The following NLRC4 variants were observed in gnomAD, a reference collection of about 807,000 sequenced individuals.
NLRC4 encodes NLR family CARD domain containing 4, also known as NLR family CARD domain-containing protein 4.
In NLRC4, 63 loss-of-function variants were observed where a neutral mutation model predicts 79.9. The observed-to-expected ratio is 0.79, with a 90% confidence interval of 0.64 to 0.97. The LOEUF (loss-of-function observed/expected upper bound fraction) is 0.97, where lower values mean the gene tolerates loss of function less well. Among genes scored for constraint, NLRC4 ranks in the 50% least tolerant of loss-of-function variants. The pLI, the probability that NLRC4 is intolerant of heterozygous loss-of-function variation, is 0.00. For missense variants in NLRC4, 1,074 were observed against 1,215.2 expected (o/e 0.88, Z 1.73); for synonymous variants, 461 against 456.5 (o/e 1.01, Z -0.12).
chr2:32,224,797 G>T, intron 8 of NLRC4, 32 bp from the exon 9 acceptor site: 10 of 947,998 alleles, frequency 1.1e-5, no homozygotes, highest in African/African-American at 2.6e-5. Flanking sequence ...TTAGTTGGAA[G>T]AAAAATTTTT....
Position 32,243,283 on chromosome 2 carries a change from G to A in NLRC4, c.2258-2158C>T, listed in dbSNP as rs571850337. 4.0e-5 allele frequency among the ~76,000 whole-genome samples: 6 copies of A among 150,946 alleles called. No individual in the cohort carries two copies. The South Asian group carries it at 6.3e-4, about 16-fold the overall frequency. On this transcript the variant is annotated intron_variant, in intron 4 of 8. Transcript: ENST00000402280. ...AAATCAGCTGGGTGTAGTGGCAGGCGCCTGTAATCCCAGCTAGTCCAGAGG... is the reference window on the plus strand; with the variant it reads ...AAATCAGCTGGGTGTAGTGGCAGGCACCTGTAATCCCAGCTAGTCCAGAGG...
chr2:32,244,873 G>A (rs1373877364), intron 4 of NLRC4, among the ~76,000 whole-genome samples: 1 of 150,884 alleles, frequency 6.6e-6, no homozygotes, highest in Admixed American at 6.6e-5. Flanking sequence ...AAGGAGAGGG[G>A]AAGGGAGAGG....
Position 32,251,177 on chromosome 2 carries a change from C to T in NLRC4, c.687G>A (p.Lys229=), listed in dbSNP as rs367761105. Reference sequence around the variant, plus strand: ...TCAGCAGCATGGCCATGAATGTCTGCTTCCTGATTGTGCCAGGTATATCCA... The same window carrying T: ...TCAGCAGCATGGCCATGAATGTCTGTTTCCTGATTGTGCCAGGTATATCCA... The part of the protein sequence containing the change: ...QLLDIPGTIR[K]QTFMAMLLKL... Residue 229 remains lysine, a synonymous_variant, in exon 4 of 9, where the codon AAG becomes AAA. Coordinates refer to ENST00000402280, the MANE Select transcript of NLRC4 (RefSeq NM_001199138.2). 26 of 1,614,122 alleles carry T rather than the reference C, an allele frequency of 1.6e-5. No homozygotes were observed. In the East Asian group the frequency reaches 2.0e-4, roughly 12 times the overall value.
chr2:32,233,339 ATATATATATATT>A (rs1558447198), intron 8 of NLRC4, among the ~76,000 whole-genome samples: 4 of 43,924 alleles, frequency 9.1e-5, no homozygotes, highest in African/African-American at 3.6e-4. Context: ...ATATATATAT[ATATATATATATT>A]TTTTTTTTTT....
chr2:32,233,356 T>A (rs1199418942), intron 8 of NLRC4, among the ~76,000 whole-genome samples: 1,677 of 127,074 alleles, frequency 0.013, 10 homozygotes, highest in African/African-American at 0.02. Flanking sequence ...TATATTTTTT[T>A]TTTTTTTTTT....
At chr2:32,231,572 T>TGCCGGGGGGGGGGGGG (rs757448591) in intron 8 of NLRC4, among the ~76,000 whole-genome samples, 1 of 59,456 alleles carries the variant, frequency 1.7e-5, no homozygotes, top group African/African-American at 8.1e-5. Flanking sequence ...TATTTTTTTT[T>TGCCGGGGGGGGGGGGG]GTGGGGGGGG....
chr2:32,235,498 G>T lies in NLRC4; in HGVS notation c.2685C>A (p.Ser895Arg). 1 of 1,614,120 alleles carries T rather than the reference G, an allele frequency of 6.2e-7. No individual in the cohort carries two copies. Among genetic ancestry groups the T allele is most frequent in the Non-Finnish European group, 8.5e-7 (1 of 1,179,966 alleles). ...MLPWGCDVQG[S>R]LSSLLKHLEE... ...CCAAATGTTTCAACAGGCTGCTCAG[G>T]CTGCCTTGCACGTCACAGCCCCAGG... The change falls in exon 8 of 9, where the codon AGC (serine) becomes AGA (arginine). Residue 895 changes from serine to arginine, a missense_variant. Ser to Arg is a moderately radical substitution (Grantham distance 110). Coordinates refer to ENST00000402280, the MANE Select transcript of NLRC4 (RefSeq NM_001199138.2).
At chr2:32,240,901 G>T in intron 5 of NLRC4, 132 bp downstream of exon 5, 1 of 606,296 alleles carries the variant, frequency 1.6e-6, no homozygotes, top group Non-Finnish European at 2.9e-6. Context: ...AAAATGTCTG[G>T]GGAAACCAAT....
intron 1 of NLRC4, among the ~76,000 whole-genome samples, chr2:32,263,579 A>G (rs1464519933): frequency 6.6e-6 from 1 of 152,140 alleles, no homozygotes; most frequent in African/African-American, 2.4e-5. Context: ...GCCTTTAAAG[A>G]GGTCATTAAG....
In NLRC4 at chr2:32,250,384, T is replaced by G. The variant is rs1254728273; in HGVS notation, c.1480A>C (p.Thr494Pro). 6.2e-7 allele frequency: 1 copy of G among 1,614,120 alleles called. No individual in the cohort carries two copies. The highest frequency in any genetic ancestry group is 1.3e-5 in the African/African-American group (1 of 75,024). The stretch of plus-strand genomic sequence containing the variant: ...GTGGCTTCCACAGATGACCCACAGG[T>G]GTACCGGAGCAGGCTGCTATAAGTG... Reference protein sequence around the residue: ...TSTYSSLLRYTCGSSVEATRA... With the variant: ...TSTYSSLLRYPCGSSVEATRA... Residue 494 changes from threonine (T) to proline (P), a missense_variant, in exon 4 of 9, where the codon ACC becomes CCC. By Grantham distance (38) the Thr-to-Pro change is conservative. Transcript: ENST00000402280. The surrounding 1 kb of genome is among the most constrained non-coding windows in gnomAD (Gnocchi z 4.9).
intron 4 of NLRC4, among the ~76,000 whole-genome samples, chr2:32,246,721 T>C (rs1356031053): frequency 1.3e-5 from 2 of 152,246 alleles, no homozygotes; most frequent in Non-Finnish European, 2.9e-5. Context: ...GTGTCTGAAG[T>C]CTAAAATCTG....
intron 4 of NLRC4, among the ~76,000 whole-genome samples, chr2:32,248,332 G>T (rs143282015): frequency 6.6e-6 from 1 of 152,146 alleles, no homozygotes; most frequent in Admixed American, 6.5e-5. Context: ...GCCATGACAG[G>T]ATGGGAGGTC....
Position 32,244,146 on chromosome 2 carries a change from AG to A in NLRC4, c.2258-3022del, listed in dbSNP as rs1686874665. Among the ~76,000 whole-genome samples the A allele has an allele frequency of 2.0e-5, 3 of 152,266 alleles. No individual in the cohort carries two copies. In the South Asian group the frequency reaches 6.2e-4, roughly 32 times the overall value. Reference sequence around the variant, plus strand: ...ACACTTATGGTCCCAGCTAGTCAGGAGGCTGAGGTGGGTGGATCTGTTGAGC... The same window carrying A: ...ACACTTATGGTCCCAGCTAGTCAGGAGCTGAGGTGGGTGGATCTGTTGAGC... On this transcript the variant is annotated intron_variant, in intron 4 of 8. Transcript: ENST00000402280.
chr2:32,255,384 G>T (rs1687182348), intron 2 of NLRC4, among the ~76,000 whole-genome samples: 1 of 152,068 alleles, frequency 6.6e-6, no homozygotes. Context: ...GCCAGTCGTG[G>T]TGGCACATGC....
rs1178000223 is a variant in NLRC4 at position 32,250,404 on chromosome 2, T to C, written c.1460A>G (p.Tyr487Cys). ...ACAGGTGTACCGGAGCAGGCTGCTA[T>C]AAGTGGATGTAATGTCCGAAATGGA... ...MVSISDITST[Y>C]SSLLRYTCGS... The change falls in exon 4 of 9, where the codon TAT becomes TGT. Residue 487 changes from tyrosine to cysteine, a missense_variant. Physicochemically the swap from Tyr to Cys is radical, Grantham distance 194. Transcript: ENST00000402280. This position sits in a 1 kb window ranked among gnomAD's most constrained non-coding sequence, Gnocchi z 4.9. The C allele has an allele frequency of 1.2e-6, 2 of 1,614,206 alleles. No homozygotes were observed. Among genetic ancestry groups the C allele is most frequent in the East Asian group, 2.2e-5 (1 of 44,882 alleles).
At chr2:32,264,433 C>CAAAA (rs1278984114) in intron 1 of NLRC4, among the ~76,000 whole-genome samples, 1 of 60,922 alleles carries the variant, frequency 1.6e-5, no homozygotes, top group African/African-American at 6.0e-5. Context: ...GACTCTGTCT[C>CAAAA]AAAAAAAAAA....
rs1258571467 is a variant in NLRC4 at position 32,249,716 on chromosome 2, A to G, written c.2148T>C (p.Ser716=). The change falls in exon 4 of 9, where the codon TCT becomes TCC. Residue 716 remains serine, a synonymous_variant. Transcript: ENST00000402280. ...LVLSTCKNIY[S]LMVEASPLTI... ...TGAGGGGACTGGCTTCCACCATGAG[A>G]GAATAAATGTTCTTACAGGTGCTGA... 1 of 1,614,184 alleles carries G rather than the reference A, an allele frequency of 6.2e-7. No homozygotes were observed. Among genetic ancestry groups the G allele is most frequent in the Admixed American group, 1.7e-5 (1 of 60,018 alleles).
chr2:32,246,436 A>G (rs988062503), intron 4 of NLRC4, among the ~76,000 whole-genome samples: 71 of 152,178 alleles, frequency 4.7e-4, no homozygotes, highest in African/African-American at 1.6e-3. Context: ...TATCTGTACA[A>G]AAAATTCTAG....
chr2:32,232,039 A>T (rs912134993), intron 8 of NLRC4, among the ~76,000 whole-genome samples: 4 of 152,132 alleles, frequency 2.6e-5, no homozygotes, highest in Non-Finnish European at 5.9e-5. Context: ...GAAGTCCCTC[A>T]GTTAGGATTG....
Sources: gnomAD v4.1 joint callset for allele counts (sites outside exome capture counted in the v4.1 genomes callset) on GRCh38, gnomAD v4.1.1 for gene constraint, Gnocchi (gnomAD v3.1) non-coding constraint, MANE v1.5 for transcripts, NCBI Gene and HGNC (gene_info 2026-07-23, HGNC 2026-07-21) for gene names.